The following PAK5 variants were observed in gnomAD, a reference collection of about 807,000 sequenced individuals.
PAK5 encodes p21 (RAC1) activated kinase 5.
PAK5 carries 16 observed loss-of-function variants against 65.9 expected under a neutral mutation model. That is an observed-to-expected ratio of 0.24 (90% CI 0.16 to 0.37). The LOEUF (loss-of-function observed/expected upper bound fraction) is 0.37. Among genes scored for constraint, PAK5 ranks in the 10% least tolerant of loss-of-function variants. The probability of loss-of-function intolerance (pLI) is 1.00; values close to 1 mark genes in which losing one functional copy is unlikely to be tolerated. For synonymous variants in PAK5, 371 were observed against 354.9 expected (o/e 1.05, Z -0.51); for missense variants, 785 against 903.9 (o/e 0.87, Z 1.69).
At chr20:9,760,866 G>T (rs2048692149) in intron 1 of PAK5, among the ~76,000 whole-genome samples, 1 of 151,572 alleles carries the variant, frequency 6.6e-6, no homozygotes, top group African/African-American at 2.4e-5. Flanking sequence ...TAGAGACAAG[G>T]TTTCACTATG....
chr20:9,742,796 T>C (rs2048464326), intron 1 of PAK5, among the ~76,000 whole-genome samples: 1 of 152,192 alleles, frequency 6.6e-6, no homozygotes, highest in Non-Finnish European at 1.5e-5. Context: ...TAAAACATAA[T>C]TCACGTGTAG....
intron 1 of PAK5, among the ~76,000 whole-genome samples, chr20:9,834,424 A>G (rs1978985830): frequency 4.6e-5 from 7 of 152,202 alleles, no homozygotes; most frequent in Middle Eastern, 3.2e-3. Flanking sequence ...ATTTTGACAG[A>G]AACACACCAG....
intron 1 of PAK5, among the ~76,000 whole-genome samples, chr20:9,716,766 A>G (rs1187519760): frequency 6.6e-6 from 1 of 152,154 alleles, no homozygotes; most frequent in Non-Finnish European, 1.5e-5. Context: ...TGCTAAAGCC[A>G]TATTACCATT....
At chr20:9,616,157 G>T (rs77808429) in intron 3 of PAK5, among the ~76,000 whole-genome samples, 4,904 of 152,254 alleles carry the variant, frequency 0.032, 266 homozygotes, top group African/African-American at 0.11. Flanking sequence ...ACACTCCATT[G>T]TACTTCTACC....
intron 2 of PAK5, among the ~76,000 whole-genome samples, chr20:9,690,263 G>A (rs1360288282): frequency 3.9e-5 from 6 of 152,218 alleles, no homozygotes; most frequent in Non-Finnish European, 8.8e-5. Flanking sequence ...TGTGGGGTGT[G>A]TAGTGGCTGC....
At chr20:9,806,087 C>T (rs1172646516) in intron 1 of PAK5, among the ~76,000 whole-genome samples, 1 of 152,152 alleles carries the variant, frequency 6.6e-6, no homozygotes, top group Non-Finnish European at 1.5e-5. Flanking sequence ...GCCTCAGCCT[C>T]CCAAGCAGCT....
At chr20:9,747,405 T>A (rs537311869) in intron 1 of PAK5, among the ~76,000 whole-genome samples, 1 of 151,760 alleles carries the variant, frequency 6.6e-6, no homozygotes, top group South Asian at 2.1e-4. Flanking sequence ...TAGACCAATA[T>A]CCTTGATGAA....
At chr20:9,666,482 CA>C (rs2047421030) in intron 2 of PAK5, among the ~76,000 whole-genome samples, 1 of 140,096 alleles carries the variant, frequency 7.1e-6, no homozygotes, top group African/African-American at 2.6e-5. Flanking sequence ...ACCACAAAAA[CA>C]AAAAGCAAAA....
At chr20:9,590,635 A>AAT (rs1245365936) in intron 3 of PAK5, among the ~76,000 whole-genome samples, 1 of 149,224 alleles carries the variant, frequency 6.7e-6, no homozygotes, top group Non-Finnish European at 1.5e-5. Context: ...AAAAAAAAAA[A>AAT]GAAATAAGCC....
chr20:9,800,807 C>T (rs892949325), intron 1 of PAK5, among the ~76,000 whole-genome samples: 1 of 151,744 alleles, frequency 6.6e-6, no homozygotes. Flanking sequence ...ACTAACTGGC[C>T]TCTCTCATCT....
chr20:9,631,716 G>A (rs2046924338), intron 3 of PAK5, among the ~76,000 whole-genome samples: 4 of 152,160 alleles, frequency 2.6e-5, no homozygotes, highest in African/African-American at 9.7e-5. Context: ...TGCAGTAATA[G>A]AAAGCTGATA....
chr20:9,741,403 G>T (rs953286777), intron 1 of PAK5, among the ~76,000 whole-genome samples: 1 of 152,012 alleles, frequency 6.6e-6, no homozygotes, highest in South Asian at 2.1e-4. Flanking sequence ...ACACAGTCCC[G>T]GGAGGAATCT....
intron 1 of PAK5, among the ~76,000 whole-genome samples, chr20:9,802,910 G>GTATATATATATATATATA (rs57705525): frequency 0.035 from 1,608 of 46,198 alleles, 128 homozygotes; most frequent in South Asian, 0.055. Context: ...ATATGTATGT[G>GTATATATATATATATATA]TATATATATA....
At chr20:9,590,003 T>C (rs1475960897) in intron 3 of PAK5, among the ~76,000 whole-genome samples, 1 of 152,242 alleles carries the variant, frequency 6.6e-6, no homozygotes, top group Non-Finnish European at 1.5e-5. Flanking sequence ...ATTTTTTTTT[T>C]TGAAGACAAG....
rs115360921 is a variant in PAK5 at position 9,628,810 on chromosome 20, C to T, written c.204+15315G>A. Reference sequence around the variant, plus strand: ...GAGTCTCTCTACCACAAGGTGTCCTCTGGCTGTTGGGGAATGCATGGCCAA... The same window carrying T: ...GAGTCTCTCTACCACAAGGTGTCCTTTGGCTGTTGGGGAATGCATGGCCAA... On this transcript the variant is annotated intron_variant, in intron 3 of 9. Transcript: ENST00000353224. 3.8e-3 allele frequency among the ~76,000 whole-genome samples: 575 copies of T among 152,336 alleles called. 5 individuals are homozygous for T. The highest frequency in any genetic ancestry group is 0.013 in the African/African-American group (538 of 41,576).
At chr20:9,627,117 T>G (rs1286792871) in intron 3 of PAK5, among the ~76,000 whole-genome samples, 1 of 152,248 alleles carries the variant, frequency 6.6e-6, no homozygotes, top group African/African-American at 2.4e-5. Flanking sequence ...TTTTCTTCTA[T>G]AGATAAAAAT....
At chr20:9,704,683 T>C (rs1477282252) in intron 2 of PAK5, among the ~76,000 whole-genome samples, 2 of 152,112 alleles carry the variant, frequency 1.3e-5, no homozygotes, top group South Asian at 2.1e-4. Flanking sequence ...GAGGTTTTAA[T>C]TGGAATATGA....
chr20:9,596,707 C>T (rs1480703733), intron 3 of PAK5, among the ~76,000 whole-genome samples: 1 of 150,146 alleles, frequency 6.7e-6, no homozygotes, highest in Non-Finnish European at 1.5e-5. Flanking sequence ...AATCCTTTAG[C>T]CCAGACTGCA....
At chr20:9,558,043 T>TTCATTC (rs1555895453) in intron 6 of PAK5, among the ~76,000 whole-genome samples, 1,633 of 138,938 alleles carry the variant, frequency 0.012, 33 homozygotes, top group African/African-American at 0.042. Context: ...TTTATTTATT[T>TTCATTC]ATTCATTCAT....
Sources: allele counts gnomAD v4.1 joint callset (sites outside exome capture counted in the v4.1 genomes callset), GRCh38; gene constraint gnomAD v4.1.1; transcripts MANE v1.5; gene names NCBI Gene and HGNC (gene_info 2026-07-23, HGNC 2026-07-21).